TMEM108: variants seen among roughly 807,000 people sequenced by gnomAD.
TMEM108 encodes cancer/testis antigen 124.
TMEM108 carries 12 observed loss-of-function variants against 35.1 expected under a neutral mutation model. That is an observed-to-expected ratio of 0.34 (90% CI 0.22 to 0.55). The LOEUF (loss-of-function observed/expected upper bound fraction) is 0.55. TMEM108 is among the 20% of genes least tolerant of loss of function. The pLI is 0.89. For missense variants in TMEM108, 680 were observed against 753.3 expected, an observed-to-expected ratio of 0.90 and a Z score of 1.14; for synonymous variants, 287 against 308.6, an observed-to-expected ratio of 0.93 and a Z score of 0.73.
intron 2 of TMEM108, among the ~76,000 whole-genome samples, chr3:133,075,966 A>G (rs1049954570): frequency 2.0e-5 from 3 of 152,124 alleles, no homozygotes; most frequent in African/African-American, 7.2e-5. Flanking sequence ...GAGTGAGGAA[A>G]GATTGCTAGG....
At chr3:133,278,123 A>G (rs892181126) in intron 3 of TMEM108, among the ~76,000 whole-genome samples, 2 of 152,254 alleles carry the variant, frequency 1.3e-5, no homozygotes, top group African/African-American at 2.4e-5. Context: ...TAGGCTTAAA[A>G]GTTTTGAAAA....
In TMEM108 at chr3:133,098,007, C is replaced by T. The variant is rs1315401269; in HGVS notation, c.-47+51987C>T. ...CGGTATTACAAAAATGAGAATTGCT[C>T]AGCCTGGATGGATACTCACCAATAG... On this transcript the variant is annotated intron_variant, in intron 2 of 5. Coordinates refer to ENST00000321871, the MANE Select transcript of TMEM108 (RefSeq NM_023943.4). Among the ~76,000 whole-genome samples the T allele has an allele frequency of 2.0e-5, 3 of 152,286 alleles. No individual in the cohort carries two copies. In the East Asian group the frequency reaches 5.8e-4, roughly 29 times the overall value.
intron 3 of TMEM108, among the ~76,000 whole-genome samples, chr3:133,239,343 T>C (rs1169210211): frequency 6.6e-6 from 1 of 152,240 alleles, no homozygotes; most frequent in African/African-American, 2.4e-5. Context: ...TCATTGACAC[T>C]AAAATTCAGT....
At chr3:133,092,311 T>C (rs1011565081) in intron 2 of TMEM108, among the ~76,000 whole-genome samples, 1 of 152,262 alleles carries the variant, frequency 6.6e-6, no homozygotes, top group Non-Finnish European at 1.5e-5. Flanking sequence ...CCCAGAGTGA[T>C]GTGAAACATC....
intron 3 of TMEM108, among the ~76,000 whole-genome samples, chr3:133,276,952 G>C (rs1461707086): frequency 1.3e-5 from 2 of 152,196 alleles, no homozygotes; most frequent in Non-Finnish European, 2.9e-5. Context: ...CATGATATCT[G>C]TTCATTCAGT....
At chr3:133,374,710 C>T (rs1469182546) in intron 3 of TMEM108, among the ~76,000 whole-genome samples, 1 of 151,962 alleles carries the variant, frequency 6.6e-6, no homozygotes, top group Non-Finnish European at 1.5e-5. Flanking sequence ...ACTACAAGCT[C>T]CCCCGGTTAC....
At chr3:133,082,087 G>T (rs769465098) in intron 2 of TMEM108, among the ~76,000 whole-genome samples, 1 of 152,160 alleles carries the variant, frequency 6.6e-6, no homozygotes, top group Non-Finnish European at 1.5e-5. Flanking sequence ...AATCTGAGCA[G>T]CATACTTTAT....
chr3:133,205,213 A>G lies in TMEM108; in HGVS notation c.-46-24053A>G, dbSNP rs977609995. The stretch of plus-strand genomic sequence containing the variant: ...GCCTATGTGCGTCCTTGCACATGAG[A>G]TGGGTCTCCTGAATACAGCACACCA... On this transcript the variant is annotated intron_variant, in intron 2 of 5. Coordinates refer to ENST00000321871, the MANE Select transcript of TMEM108 (RefSeq NM_023943.4). 2.1e-4 allele frequency among the ~76,000 whole-genome samples: 32 copies of G among 150,996 alleles called. 1 individual carries two copies. The highest frequency in any genetic ancestry group is 4.9e-5 in the African/African-American group (2 of 40,970).
chr3:133,394,341 T>C (rs1434657430), intron 5 of TMEM108, among the ~76,000 whole-genome samples: 1 of 152,250 alleles, frequency 6.6e-6, no homozygotes, highest in Non-Finnish European at 1.5e-5. Context: ...AAAACACAGA[T>C]CCAGGGCTGT....
intron 2 of TMEM108, among the ~76,000 whole-genome samples, chr3:133,083,240 C>G (rs889583397): frequency 7.2e-6 from 1 of 139,684 alleles, no homozygotes; most frequent in East Asian, 2.3e-4. Context: ...CCATCTGTAT[C>G]CTGTACATGC....
chr3:133,282,476 AGT>A (rs1559891604), intron 3 of TMEM108, among the ~76,000 whole-genome samples: 1 of 152,170 alleles, frequency 6.6e-6, no homozygotes, highest in East Asian at 1.9e-4. Flanking sequence ...TTCTTTACAC[AGT>A]CATCTTGTTT....
chr3:133,238,361 G>A (rs373004892), intron 3 of TMEM108, among the ~76,000 whole-genome samples: 19 of 152,120 alleles, frequency 1.2e-4, no homozygotes, highest in African/African-American at 2.7e-4. Context: ...AACATATTTC[G>A]TCAAATCTAA....
chr3:133,286,812 A>G (rs1385664924), intron 3 of TMEM108, among the ~76,000 whole-genome samples: 1 of 152,226 alleles, frequency 6.6e-6, no homozygotes, highest in Non-Finnish European at 1.5e-5. Context: ...GAACACTGAC[A>G]TAGATCCTAT....
rs1944830887 is a variant in TMEM108 at position 133,153,433 on chromosome 3, A to G, written c.-46-75833A>G. 2.0e-5 allele frequency among the ~76,000 whole-genome samples: 3 copies of G among 152,164 alleles called. No individual in the cohort carries two copies. In the South Asian group the frequency reaches 6.2e-4, roughly 32 times the overall value. ...TATGCATTCTCATTTAATCCCCACAACATCCCTATGAAATAAGTACTGTTA... is the reference window on the plus strand; with the variant it reads ...TATGCATTCTCATTTAATCCCCACAGCATCCCTATGAAATAAGTACTGTTA... On this transcript the variant is annotated intron_variant, in intron 2 of 5. Coordinates refer to ENST00000321871, the MANE Select transcript of TMEM108 (RefSeq NM_023943.4).
intron 2 of TMEM108, among the ~76,000 whole-genome samples, chr3:133,189,684 C>G (rs937817813): frequency 1.3e-5 from 2 of 152,138 alleles, no homozygotes; most frequent in African/African-American, 4.8e-5. Context: ...TTGGTTTATG[C>G]CCCTTGACTG....
intron 3 of TMEM108, among the ~76,000 whole-genome samples, chr3:133,234,709 C>T (rs1946207627): frequency 1.3e-5 from 2 of 152,158 alleles, no homozygotes; most frequent in African/African-American, 4.8e-5. Flanking sequence ...GATGCCCTCT[C>T]TCACCACTCC....
intron 3 of TMEM108, among the ~76,000 whole-genome samples, chr3:133,259,393 G>A (rs1488307053): frequency 6.6e-6 from 1 of 152,180 alleles, no homozygotes; most frequent in South Asian, 2.1e-4. Context: ...CACAGGTTCT[G>A]GACTAGCCTC....
intron 2 of TMEM108, among the ~76,000 whole-genome samples, chr3:133,093,716 G>A (rs1037168741): frequency 1.3e-5 from 2 of 152,192 alleles, no homozygotes; most frequent in African/African-American, 4.8e-5. Flanking sequence ...GATGGGGACG[G>A]AGATGGACAG....
chr3:133,115,617 TCA>T (rs1491391023), intron 2 of TMEM108, among the ~76,000 whole-genome samples: 1 of 152,240 alleles, frequency 6.6e-6, no homozygotes, highest in Admixed American at 6.5e-5. Context: ...CATGCCTCTC[TCA>T]CTGATCAGGC....
Sources: gnomAD v4.1 joint callset for allele counts (sites outside exome capture counted in the v4.1 genomes callset) on GRCh38, gnomAD v4.1.1 for gene constraint, MANE v1.5 for transcripts, NCBI Gene and HGNC (gene_info 2026-07-23, HGNC 2026-07-21) for gene names.